Variants in SMYD2 observed in about 807,000 individuals in gnomAD.
The protein encoded by SMYD2 is N-lysine methyltransferase SMYD2.
A neutral mutation model predicts 59.1 loss-of-function variants in SMYD2; 53 were observed. The ratio of observed to expected loss-of-function variants is 0.90; its 90% CI spans 0.72 to 1.13. The LOEUF is 1.13. Ranked by LOEUF, SMYD2 falls within the 50% of genes most tolerant of loss-of-function variation. The probability of loss-of-function intolerance (pLI) is 0.00; values close to 1 mark genes in which losing one functional copy is unlikely to be tolerated. For synonymous variants in SMYD2, 208 were observed against 198.8 expected, an observed-to-expected ratio of 1.05 and a Z score of -0.39; for missense variants, 494 against 544.7, an observed-to-expected ratio of 0.91 and a Z score of 0.93.
rs754918683 is a variant in SMYD2 at position 214,318,443 on chromosome 1, C to T, written c.409+304C>T. Among the ~76,000 whole-genome samples the T allele has an allele frequency of 1.3e-5, 2 of 152,112 alleles. No homozygotes were observed. Among genetic ancestry groups the T allele is most frequent in the East Asian group, 1.9e-4 (1 of 5,188 alleles). ...ATACTTTTGGATCTTTGCTGAATTG[C>T]GTCCTCTAAATAGCTGATGTTCTTA... On this transcript the variant is annotated intron_variant, in intron 4 of 11. Coordinates refer to ENST00000366957, the MANE Select transcript of SMYD2 (RefSeq NM_020197.3). The surrounding 1 kb of genome is among the most constrained non-coding windows in gnomAD (Gnocchi z 5.4).
intron 5 of SMYD2, 70 bp from the exon 6 acceptor site, chr1:214,324,570 TA>T (rs1184950765): frequency 3.7e-6 from 5 of 1,361,702 alleles, no homozygotes; most frequent in South Asian, 1.3e-5. Flanking sequence ...AGTCAAAATT[TA>T]AAAAAATGAT....
At chr1:214,331,212 C>A in intron 9 of SMYD2, 142 bp downstream of exon 9, 1 of 1,168,242 alleles carries the variant, frequency 8.6e-7, no homozygotes, top group Non-Finnish European at 1.2e-6. Flanking sequence ...TGTGTAAAGG[C>A]GTACTGACCA....
chr1:214,329,862 G>A (rs964112796), intron 7 of SMYD2, among the ~76,000 whole-genome samples: 1 of 152,208 alleles, frequency 6.6e-6, no homozygotes, highest in African/African-American at 2.4e-5. Context: ...AGGGAGGCAG[G>A]GATCCTCTGA....
rs893880773 is a variant in SMYD2, at chr1:214,312,159, C to T, written c.238-2603C>T. Among the ~76,000 whole-genome samples the T allele has an allele frequency of 2.6e-5, 4 of 152,160 alleles. No homozygotes were observed. The highest frequency in any genetic ancestry group is 1.9e-4 in the East Asian group (1 of 5,204). On this transcript the variant is annotated intron_variant, in intron 2 of 11. Coordinates refer to ENST00000366957, the MANE Select transcript of SMYD2 (RefSeq NM_020197.3). The surrounding 1 kb of genome is among the most constrained non-coding windows in gnomAD (Gnocchi z 4.1). The stretch of plus-strand genomic sequence containing the variant: ...CCTCCCTGCTCTTAGTTATATTTGG[C>T]GCGGCATTATTTAACTCTGCAGAAC...
chr1:214,305,503 A>T (rs1656902143), intron 2 of SMYD2, among the ~76,000 whole-genome samples: 1 of 152,244 alleles, frequency 6.6e-6, no homozygotes, highest in South Asian at 2.1e-4. Context: ...TGTGCTAGCA[A>T]GTCTGCCCCA....
chr1:214,336,644 G>T, intron 11 of SMYD2, 60 bp from the exon 12 acceptor site: 2 of 1,506,760 alleles, frequency 1.3e-6, no homozygotes, highest in Non-Finnish European at 1.8e-6. Flanking sequence ...AAGTTACCCT[G>T]GGTGGAGGTG....
chr1:214,330,860 T>C, intron 8 of SMYD2, 90 bp from the exon 9 acceptor site: 7 of 1,584,826 alleles, frequency 4.4e-6, no homozygotes, highest in Non-Finnish European at 6.0e-6. Flanking sequence ...TGTCGACCGC[T>C]GTGTGGGAAT....
At chr1:214,317,941 T>G in intron 3 of SMYD2, 138 bp from the exon 4 acceptor site, 1 of 811,812 alleles carries the variant, frequency 1.2e-6, no homozygotes, top group Non-Finnish European at 2.1e-6. Flanking sequence ...GCCCTAGTGG[T>G]GGAGTCCTTG....
intron 7 of SMYD2, among the ~76,000 whole-genome samples, chr1:214,329,336 G>A (rs770300844): frequency 3.9e-5 from 6 of 152,006 alleles, no homozygotes; most frequent in Non-Finnish European, 8.8e-5. Context: ...GGTGGTGCCC[G>A]TGGTCACTGG....
chr1:214,281,985 G>A (rs191158391), intron 1 of SMYD2, among the ~76,000 whole-genome samples: 22 of 152,220 alleles, frequency 1.4e-4, no homozygotes, highest in African/African-American at 5.3e-4. Context: ...ACGCCAGTGG[G>A]CACTGACCAC....
intron 1 of SMYD2, among the ~76,000 whole-genome samples, chr1:214,293,151 C>T (rs188824894): frequency 2.9e-4 from 44 of 152,132 alleles, no homozygotes; most frequent in African/African-American, 1.1e-3. Flanking sequence ...CTCCCAGGTC[C>T]AAGCGATTCT....
intron 1 of SMYD2, among the ~76,000 whole-genome samples, chr1:214,290,553 G>A (rs1656619921): frequency 6.6e-6 from 1 of 152,148 alleles, no homozygotes; most frequent in South Asian, 2.1e-4. Flanking sequence ...ACACTGTTGT[G>A]TCTTAGTGAG....
intron 1 of SMYD2, among the ~76,000 whole-genome samples, chr1:214,297,124 G>A (rs1472802935): frequency 6.6e-6 from 1 of 152,100 alleles, no homozygotes; most frequent in East Asian, 1.9e-4. Flanking sequence ...CTGTGGCTCC[G>A]CATTCTAGAA....
chr1:214,333,971 AC>A (rs1040557612), intron 10 of SMYD2: 3 of 412,910 alleles, frequency 7.3e-6, no homozygotes, highest in African/African-American at 5.8e-5. Flanking sequence ...TGCAGTTGTT[AC>A]GTAGCTTTTC....
At chr1:214,313,934 T>A (rs995519759) in intron 2 of SMYD2, among the ~76,000 whole-genome samples, 1 of 152,064 alleles carries the variant, frequency 6.6e-6, no homozygotes, top group Non-Finnish European at 1.5e-5. Flanking sequence ...ATCCCTGCAC[T>A]TTGGGAGGCC....
intron 2 of SMYD2, among the ~76,000 whole-genome samples, chr1:214,311,555 C>CA (rs1048020948): frequency 6.6e-6 from 1 of 152,130 alleles, no homozygotes; most frequent in African/African-American, 2.4e-5. Context: ...TCTTGAGTCC[C>CA]AGGTCAGCAG....
chr1:214,335,801 A>G (rs1657426478), intron 11 of SMYD2, among the ~76,000 whole-genome samples: 1 of 152,164 alleles, frequency 6.6e-6, no homozygotes, highest in Non-Finnish European at 1.5e-5. Flanking sequence ...AAATGATTAA[A>G]CCACTGGAAA....
intron 1 of SMYD2, among the ~76,000 whole-genome samples, chr1:214,282,074 G>C (rs2102449118): frequency 6.6e-6 from 1 of 152,344 alleles, no homozygotes; most frequent in Middle Eastern, 3.4e-3. Context: ...CATGGTCGCA[G>C]GAAGGGATTG....
chr1:214,287,455 C>T (rs982983195), intron 1 of SMYD2, among the ~76,000 whole-genome samples: 3 of 151,646 alleles, frequency 2.0e-5, no homozygotes, highest in African/African-American at 7.3e-5. Context: ...GGCATAGTGG[C>T]GGGCGCCTGT....
Sources: allele counts gnomAD v4.1 joint callset (sites outside exome capture counted in the v4.1 genomes callset), GRCh38; gene constraint gnomAD v4.1.1; non-coding constraint Gnocchi (gnomAD v3.1); transcripts MANE v1.5; gene names NCBI Gene and HGNC (gene_info 2026-07-23, HGNC 2026-07-21).